SETBP1: variants seen among roughly 807,000 people sequenced by gnomAD.
The protein encoded by SETBP1 is SET-binding protein.
Under a neutral mutation model 101.0 loss-of-function variants are expected in SETBP1, and 9 were observed. That is an observed-to-expected ratio of 0.09 (90% CI 0.05 to 0.16). The LOEUF is 0.16. SETBP1 is among the 10% of genes least tolerant of loss of function. The pLI is 1.00. For missense variants in SETBP1, 1,858 were observed against 2,033.8 expected, an observed-to-expected ratio of 0.91 and a Z score of 1.66; for synonymous variants, 818 against 788.5, an observed-to-expected ratio of 1.04 and a Z score of -0.63.
At chr18:44,711,676 C>A (rs1423131153) in intron 2 of SETBP1, among the ~76,000 whole-genome samples, 1 of 151,200 alleles carries the variant, frequency 6.6e-6, no homozygotes, top group Admixed American at 6.6e-5. Context: ...CAGGTGTGCA[C>A]CACCACATCT....
chr18:44,691,201 T>C (rs1568091889), intron 1 of SETBP1, among the ~76,000 whole-genome samples: 1 of 152,204 alleles, frequency 6.6e-6, no homozygotes, highest in Non-Finnish European at 1.5e-5. Flanking sequence ...GCACAGAAAG[T>C]GTGTGCTCTT....
At chr18:44,821,971 G>A (rs28637809) in intron 2 of SETBP1, among the ~76,000 whole-genome samples, 2,584 of 152,308 alleles carry the variant, frequency 0.017, 71 homozygotes, top group African/African-American at 0.058. Flanking sequence ...GGCAGAAGGG[G>A]CTGGGGTTCT....
At chr18:44,775,921 A>T (rs948415125) in intron 2 of SETBP1, among the ~76,000 whole-genome samples, 5 of 152,130 alleles carry the variant, frequency 3.3e-5, no homozygotes, top group Non-Finnish European at 7.4e-5. Flanking sequence ...CTCTACATAA[A>T]CTGTCCAAAT....
At chr18:44,691,321 G>T (rs922151240) in intron 1 of SETBP1, among the ~76,000 whole-genome samples, 8 of 152,122 alleles carry the variant, frequency 5.3e-5, no homozygotes, top group African/African-American at 1.9e-4. Context: ...TGACTGTAAA[G>T]AGCTCAGCAC....
In SETBP1 at chr18:44,878,457, C is replaced by T. The variant is rs548863839; in HGVS notation, c.540+9174C>T. Among the ~76,000 whole-genome samples, 6 of 152,010 alleles carry T rather than the reference C, an allele frequency of 3.9e-5. No individual in the cohort carries two copies. In the East Asian group the frequency reaches 1.2e-3, roughly 29 times the overall value. On this transcript the variant is annotated intron_variant, in intron 3 of 5. Coordinates refer to ENST00000649279, the MANE Select transcript of SETBP1 (RefSeq NM_015559.3). The stretch of plus-strand genomic sequence containing the variant: ...ATGTTTTGTACTGTATCTCTAATGT[C>T]TGTGTTTATTACTAGATTTAGTTAC...
chr18:44,764,383 C>A (rs2070722012), intron 2 of SETBP1, among the ~76,000 whole-genome samples: 1 of 152,234 alleles, frequency 6.6e-6, no homozygotes, highest in Admixed American at 6.5e-5. Flanking sequence ...TCACAGATCT[C>A]TCCCCTTCTA....
At chr18:44,925,493 G>A (rs934074634) in intron 3 of SETBP1, among the ~76,000 whole-genome samples, 1 of 152,134 alleles carries the variant, frequency 6.6e-6, no homozygotes, top group African/African-American at 2.4e-5. Flanking sequence ...GCCAGAATGG[G>A]GAGGGCTGTT....
At chr18:44,995,529 TTGTGTGTGTGTGTGTGTG>T (rs60256060) in intron 4 of SETBP1, among the ~76,000 whole-genome samples, 43 of 142,970 alleles carry the variant, frequency 3.0e-4, no homozygotes, top group Non-Finnish European at 4.9e-4. Context: ...GTCCAGGCTT[TTGTGTGTGTGTGTGTGTG>T]TGTGTGTGTG....
chr18:44,950,896 C>T lies in SETBP1; in HGVS notation c.1556C>T (p.Pro519Leu). The T allele has an allele frequency of 3.7e-6, 6 of 1,614,140 alleles. No homozygotes were observed. In the South Asian group the frequency reaches 5.5e-5, roughly 15 times the overall value. ...CTDHSPSRKL[P>L]EIQHPKFAAK... is the part of the protein sequence containing the mutation. ...GATCACTCTCCATCCAGAAAGCTGCCAGAAATCCAGCATCCAAAATTTGCT... is the reference window on the plus strand; with the variant it reads ...GATCACTCTCCATCCAGAAAGCTGCTAGAAATCCAGCATCCAAAATTTGCT... Residue 519 changes from proline to leucine, a missense_variant, in exon 4 of 6, where the codon CCA (proline) becomes CTA (leucine). Physicochemically the swap from Pro to Leu is moderately conservative, Grantham distance 98 (BLOSUM62 -3). Coordinates refer to ENST00000649279, the MANE Select transcript of SETBP1 (RefSeq NM_015559.3).
At chr18:44,908,951 T>A (rs1454085333) in intron 3 of SETBP1, among the ~76,000 whole-genome samples, 1 of 152,218 alleles carries the variant, frequency 6.6e-6, no homozygotes, top group Non-Finnish European at 1.5e-5. Context: ...AAAAATATAT[T>A]TTTGCCATAT....
At chr18:44,997,280 C>G (rs961679014) in intron 4 of SETBP1, among the ~76,000 whole-genome samples, 11 of 152,062 alleles carry the variant, frequency 7.2e-5, no homozygotes, top group African/African-American at 2.7e-4. Flanking sequence ...TTAGGCCTTC[C>G]CAGAAACCTG....
intron 3 of SETBP1, among the ~76,000 whole-genome samples, chr18:44,914,883 C>T (rs1043772932): frequency 7.2e-5 from 11 of 152,072 alleles, no homozygotes; most frequent in African/African-American, 2.7e-4. Context: ...GTCCTGAGGA[C>T]AGGTGCTTTT....
At chr18:45,018,421 A>G (rs2072993460) in intron 4 of SETBP1, among the ~76,000 whole-genome samples, 1 of 152,208 alleles carries the variant, frequency 6.6e-6, no homozygotes, top group African/African-American at 2.4e-5. Flanking sequence ...GTGTACTTCC[A>G]TTAAACACAT....
In SETBP1 at chr18:44,714,659, T is replaced by C. The variant is rs74332033; in HGVS notation, c.486+12827T>C. On this transcript the variant is annotated intron_variant, in intron 2 of 5. Coordinates refer to ENST00000649279, the MANE Select transcript of SETBP1 (RefSeq NM_015559.3). ...GTGTGAGCGCTCTCCTATCCAGATA[T>C]ACTGTAACAGAGCTGAAGCATCTTA... Among the ~76,000 whole-genome samples, 57 of 151,856 alleles carry C rather than the reference T, an allele frequency of 3.8e-4. No individual in the cohort carries two copies. The East Asian group carries it at 0.01, about 28-fold the overall frequency.
Position 44,752,046 on chromosome 18 carries a change from C to T in SETBP1, c.486+50214C>T, listed in dbSNP as rs576995895. Among the ~76,000 whole-genome samples the T allele has an allele frequency of 2.6e-5, 4 of 152,230 alleles. No individual in the cohort carries two copies. In the East Asian group the frequency reaches 5.8e-4, roughly 22 times the overall value. ...ACCTCTCAAAGGTACCATCTCCTTTCAACATATGGATTTCAACATACGGAT... is the reference window on the plus strand; with the variant it reads ...ACCTCTCAAAGGTACCATCTCCTTTTAACATATGGATTTCAACATACGGAT... On this transcript the variant is annotated intron_variant, in intron 2 of 5. Coordinates refer to ENST00000649279, the MANE Select transcript of SETBP1 (RefSeq NM_015559.3).
intron 5 of SETBP1, among the ~76,000 whole-genome samples, chr18:45,040,222 G>C (rs977844933): frequency 2.0e-5 from 3 of 152,132 alleles, no homozygotes; most frequent in African/African-American, 7.2e-5. Flanking sequence ...GTTTTTGGTG[G>C]AATGGCCAGG....
intron 5 of SETBP1, among the ~76,000 whole-genome samples, chr18:45,051,128 C>T (rs1294627663): frequency 6.6e-6 from 1 of 152,116 alleles, no homozygotes; most frequent in African/African-American, 2.4e-5. Flanking sequence ...ACTCACTCTC[C>T]TACTCCACGC....
At chr18:45,043,288 T>C (rs2073544999) in intron 5 of SETBP1, among the ~76,000 whole-genome samples, 1 of 152,002 alleles carries the variant, frequency 6.6e-6, no homozygotes, top group African/African-American at 2.4e-5. Context: ...GGCAACAAAA[T>C]CTGTATGGTT....
chr18:44,846,083 C>G (rs2144555329), intron 2 of SETBP1, among the ~76,000 whole-genome samples: 1 of 152,310 alleles, frequency 6.6e-6, no homozygotes, highest in Middle Eastern at 3.4e-3. Context: ...TTACCTGTTG[C>G]CCATGGCTCA....
Sources: allele counts gnomAD v4.1 joint callset (sites outside exome capture counted in the v4.1 genomes callset), GRCh38; gene constraint gnomAD v4.1.1; transcripts MANE v1.5; gene names NCBI Gene and HGNC (gene_info 2026-07-23, HGNC 2026-07-21).